Variants in CLIC5 observed in about 807,000 individuals in gnomAD.
CLIC5 encodes the protein CLIC family member 5, also known as chloride intracellular channel protein 5.
A neutral mutation model predicts 24.7 loss-of-function variants in CLIC5; 20 were observed. That is an observed-to-expected ratio of 0.81 (90% CI 0.57 to 1.18). The LOEUF (loss-of-function observed/expected upper bound fraction) is 1.18, where lower values mean the gene tolerates loss of function less well. Among genes scored for constraint, CLIC5 ranks in the 50% most tolerant of loss-of-function variants. CLIC5 has a pLI of 0.00. For missense variants in CLIC5, 341 were observed against 326.1 expected (o/e 1.05, Z -0.35); for synonymous variants, 159 against 135.6 (o/e 1.17, Z -1.20).
At chr6:46,088,123 C>A in the CLIC5 span, among the ~76,000 whole-genome samples, 3 of 150,700 alleles carry the variant, frequency 2.0e-5, no homozygotes, top group Non-Finnish European at 3.0e-5. Flanking sequence ...ATTATAAAAC[C>A]AAAGCAAACT....
At chr6:46,011,212 A>G (rs982539859) in intron 1 of CLIC5, among the ~76,000 whole-genome samples, 2 of 152,210 alleles carry the variant, frequency 1.3e-5, no homozygotes, top group Non-Finnish European at 2.9e-5. Context: ...AGGGCTTAAT[A>G]GTTCGTCAGC....
chr6:46,096,373 G>A, the CLIC5 span, among the ~76,000 whole-genome samples: 10 of 152,326 alleles, frequency 6.6e-5, no homozygotes, highest in East Asian at 1.5e-3. Context: ...GGATAAATAA[G>A]TTGTGGTATA....
In CLIC5 at chr6:45,958,647, G is replaced by C. The variant is rs139789142; in HGVS notation, c.64-3403C>G. ...GTGATACCAGTAGTAGTAGCATAAT[G>C]TAATTATATAGGCTGTATGATTGCA... On this transcript the variant is annotated intron_variant, in intron 1 of 5. Transcript: ENST00000339561. Among the ~76,000 whole-genome samples, 1,091 of 151,382 alleles carry C rather than the reference G, an allele frequency of 7.2e-3. 19 individuals are homozygous for C. Among genetic ancestry groups the C allele is most frequent in the Admixed American group, 0.027 (416 of 15,188 alleles).
chr6:45,941,071 AG>A (rs1764112659), intron 4 of CLIC5, among the ~76,000 whole-genome samples: 1 of 152,190 alleles, frequency 6.6e-6, no homozygotes, highest in South Asian at 2.1e-4. Flanking sequence ...AACACAGCCC[AG>A]GTCTGCCTTC....
intron 1 of CLIC5, among the ~76,000 whole-genome samples, chr6:46,047,031 C>A (rs1767972828): frequency 6.6e-6 from 1 of 152,186 alleles, no homozygotes. Context: ...AAGGGACCTA[C>A]CGTAGTGTTC....
intron 1 of CLIC5, among the ~76,000 whole-genome samples, chr6:45,965,949 G>T (rs953224791): frequency 3.3e-5 from 5 of 152,172 alleles, no homozygotes; most frequent in African/African-American, 7.2e-5. Context: ...CTCCTACAAA[G>T]GTTGGTGTTT....
At chr6:45,928,697 G>T (rs1224493243) in intron 4 of CLIC5, among the ~76,000 whole-genome samples, 1 of 152,124 alleles carries the variant, frequency 6.6e-6, no homozygotes, top group South Asian at 2.1e-4. Context: ...ATTGAAATGA[G>T]CCTGTCTAAG....
At position 46,015,532 on chromosome 6, in the gene CLIC5, G is replaced by C. The variant is rs1766970727; in HGVS notation, c.11C>G (p.Ser4Trp). The C allele has an allele frequency of 4.4e-6, 7 of 1,579,000 alleles. No homozygotes were observed. Among genetic ancestry groups the C allele is most frequent in the South Asian group, 1.2e-5 (1 of 85,860 alleles). Reference sequence around the variant, plus strand: ...CCTGTCGTCCCCGTTAGCTGTCGCCGAGTCTGTCATGCCGTTGGCGCCCGG... The same window carrying C: ...CCTGTCGTCCCCGTTAGCTGTCGCCCAGTCTGTCATGCCGTTGGCGCCCGG... MTDSATANGDDRDP... is the reference protein window; with the variant it reads MTDWATANGDDRDP... Residue 4 changes from serine to tryptophan, a missense_variant, in exon 1 of 6, where the codon TCG (serine) becomes TGG (tryptophan). Coordinates refer to ENST00000339561, the MANE Select transcript of CLIC5 (RefSeq NM_016929.5).
intron 1 of CLIC5, among the ~76,000 whole-genome samples, chr6:45,958,691 G>T: frequency 6.6e-6 from 1 of 151,438 alleles, no homozygotes; most frequent in Non-Finnish European, 1.5e-5. Flanking sequence ...GTTATATGCT[G>T]GATACTTCAT....
intron 6 of CLIC5, among the ~76,000 whole-genome samples, chr6:45,889,164 G>T (rs13216034): frequency 0.011 from 1,661 of 152,274 alleles, 14 homozygotes; most frequent in Non-Finnish European, 0.019. Context: ...CAGTTCTGGA[G>T]GTAGGAAAGT....
chr6:46,049,627 G>C (rs1243215538), intron 1 of CLIC5, among the ~76,000 whole-genome samples: 1 of 152,190 alleles, frequency 6.6e-6, no homozygotes, highest in Non-Finnish European at 1.5e-5. Flanking sequence ...GGCAAGAGCA[G>C]TCAACCTGGC....
In CLIC5 at chr6:46,073,231, C is replaced by CTCACCCCA. The variant is rs552213452; in HGVS notation, c.540+6464_540+6471dup. ...AATTAAGTGAGTCCAGCCAGGCTAT[C>CTCACCCCA]TCACCCCATGCAAACACACTTTTTA... On this transcript the variant is annotated intron_variant, in intron 1 of 5. Coordinates refer to the CLIC5 transcript ENST00000185206. 1.5e-4 allele frequency among the ~76,000 whole-genome samples: 23 copies of CTCACCCCA among 152,308 alleles called. No individual in the cohort carries two copies. In the East Asian group the frequency reaches 2.9e-3, roughly 19 times the overall value.
At chr6:45,903,288 G>A in intron 5 of CLIC5, 33 bp from the exon 6 acceptor site, 1 of 1,545,164 alleles carries the variant, frequency 6.5e-7, no homozygotes, top group South Asian at 1.3e-5. Flanking sequence ...GAGGTGGTGT[G>A]AAGGCATGAA....
intron 5 of CLIC5, chr6:45,913,686 G>T: frequency 1.3e-6 from 1 of 791,488 alleles, no homozygotes; most frequent in Admixed American, 4.3e-5. Context: ...GCTGCAAATG[G>T]TTAGTAAGTG....
intron 1 of CLIC5, among the ~76,000 whole-genome samples, chr6:46,050,073 T>C (rs1333295399): frequency 6.6e-6 from 1 of 152,168 alleles, no homozygotes; most frequent in Non-Finnish European, 1.5e-5. Context: ...ATTGCCAATA[T>C]ATCTCCTCAG....
At chr6:45,917,826 G>A (rs1441618868) in intron 4 of CLIC5, among the ~76,000 whole-genome samples, 1 of 152,202 alleles carries the variant, frequency 6.6e-6, no homozygotes, top group Non-Finnish European at 1.5e-5. Flanking sequence ...TGCTCTGGTA[G>A]GAACAAGGGG....
chr6:45,915,290 C>G (rs1762986782), intron 4 of CLIC5, among the ~76,000 whole-genome samples: 1 of 151,962 alleles, frequency 6.6e-6, no homozygotes, highest in African/African-American at 2.4e-5. Context: ...CCACATCAAC[C>G]TACATATTAC....
At chr6:46,080,510 TC>T (rs766906337), upstream of CLIC5, among the ~76,000 whole-genome samples, 164 of 152,334 alleles carry the variant, frequency 1.1e-3, no homozygotes, top group Admixed American at 4.0e-3. Flanking sequence ...CCTGGGGATT[TC>T]CTCATTGGCA....
intron 1 of CLIC5, among the ~76,000 whole-genome samples, chr6:46,007,499 CT>C (rs1300610822): frequency 1.3e-5 from 2 of 152,222 alleles, no homozygotes; most frequent in East Asian, 3.9e-4. Context: ...CACACTCTGT[CT>C]TTTGGCCCTT....
Sources: allele counts gnomAD v4.1 joint callset (sites outside exome capture counted in the v4.1 genomes callset), GRCh38; gene constraint gnomAD v4.1.1; transcripts MANE v1.5; gene names NCBI Gene and HGNC (gene_info 2026-07-23, HGNC 2026-07-21).